Variants in VPS37A observed in about 807,000 individuals in gnomAD.
The protein encoded by VPS37A is vacuolar protein sorting-associated protein 37A.
In VPS37A, 30 loss-of-function variants were observed where a neutral mutation model predicts 49.8. The observed-to-expected ratio is 0.60, with a 90% CI of 0.45 to 0.82. VPS37A has a LOEUF of 0.82. VPS37A is among the 40% of genes least tolerant of loss of function. The pLI, the probability that VPS37A is intolerant of heterozygous loss-of-function variation, is 0.00. For missense variants in VPS37A, 593 were observed against 464.4 expected (o/e 1.28, Z -2.55); for synonymous variants, 195 against 160.6 (o/e 1.21, Z -1.62).
chr8:17,267,467 T>TTGTA (rs1554491551), intron 2 of VPS37A, among the ~76,000 whole-genome samples: 1 of 151,322 alleles, frequency 6.6e-6, no homozygotes, highest in African/African-American at 2.4e-5. Context: ...AAATTTCTGC[T>TTGTA]TGTGTGTGTG....
the VPS37A span, among the ~76,000 whole-genome samples, chr8:17,330,102 A>C: frequency 1.3e-5 from 2 of 152,216 alleles, no homozygotes; most frequent in East Asian, 1.9e-4. Context: ...GATGAACCAG[A>C]AAGTCCAGGA....
chr8:17,250,373 G>C lies in VPS37A; in HGVS notation c.125+3004G>C, dbSNP rs141572414. On this transcript the variant is annotated intron_variant, in intron 1 of 11. Transcript: ENST00000324849. ...CACTTAAAAGATTTTTGTGCGAACA[G>C]ACAGATTGGTTATTCTAAAGGTGTG... Among the ~76,000 whole-genome samples the C allele has an allele frequency of 2.4e-4, 36 of 152,066 alleles. No homozygotes were observed. In the East Asian group the frequency reaches 4.2e-3, roughly 18 times the overall value.
chr8:17,309,399 T>A, the VPS37A span: 9 of 1,063,520 alleles, frequency 8.5e-6, no homozygotes, highest in Admixed American at 2.0e-5. Flanking sequence ...CCAATAATGT[T>A]GAGGAATTCA....
intron 1 of VPS37A, among the ~76,000 whole-genome samples, chr8:17,259,702 G>T (rs918426520): frequency 2.6e-5 from 4 of 152,040 alleles, no homozygotes; most frequent in African/African-American, 7.2e-5. Flanking sequence ...ATTGCAATCT[G>T]TCTTTCTCTT....
intron 11 of VPS37A, among the ~76,000 whole-genome samples, chr8:17,289,579 A>T (rs186765827): frequency 6.6e-6 from 1 of 152,244 alleles, no homozygotes; most frequent in African/African-American, 2.4e-5. Context: ...TGGTACCAGT[A>T]CCGTGCTGTT....
the VPS37A span, among the ~76,000 whole-genome samples, chr8:17,314,500 C>T: frequency 6.6e-6 from 1 of 152,204 alleles, no homozygotes; most frequent in South Asian, 2.1e-4. Flanking sequence ...TCTTTGAAAG[C>T]ACTGTGCATA....
intron 9 of VPS37A, among the ~76,000 whole-genome samples, 195 bp downstream of exon 9, chr8:17,280,638 G>A (rs768565261): frequency 6.6e-6 from 1 of 151,884 alleles, no homozygotes; most frequent in Middle Eastern, 3.2e-3. Context: ...ATATAAGAGC[G>A]TATTTGTTTC....
intron 11 of VPS37A, among the ~76,000 whole-genome samples, chr8:17,287,184 T>C (rs2150416605): frequency 6.6e-6 from 1 of 152,296 alleles, no homozygotes; most frequent in Non-Finnish European, 1.5e-5. Context: ...TTTGCAAGAA[T>C]AGTTCCCACC....
the VPS37A span, among the ~76,000 whole-genome samples, chr8:17,318,566 T>C: frequency 5.4e-4 from 82 of 152,312 alleles, no homozygotes; most frequent in African/African-American, 1.5e-3. Flanking sequence ...TTCCTGTGGT[T>C]CCAGGAGGAA....
At chr8:17,310,103 C>T in the VPS37A span, among the ~76,000 whole-genome samples, 5 of 152,228 alleles carry the variant, frequency 3.3e-5, 1 homozygote, top group African/African-American at 7.2e-5. Context: ...TGAGCTCGAG[C>T]GATCCTCCCA....
chr8:17,289,503 T>C (rs1815937983), intron 11 of VPS37A, among the ~76,000 whole-genome samples: 2 of 152,152 alleles, frequency 1.3e-5, no homozygotes, highest in African/African-American at 4.8e-5. Context: ...AAAGATCAGA[T>C]GGTTGTAGAT....
chr8:17,311,780 C>A, the VPS37A span: 3 of 1,317,356 alleles, frequency 2.3e-6, no homozygotes, highest in South Asian at 2.7e-5. Context: ...TAGGGCCCCC[C>A]CTAATTAGGG....
chr8:17,285,102 A>G (rs760430997), intron 10 of VPS37A, among the ~76,000 whole-genome samples: 65 of 152,160 alleles, frequency 4.3e-4, no homozygotes, highest in South Asian at 1.0e-3. Flanking sequence ...TAGCATACTC[A>G]TGAGTGAAAA....
the VPS37A span, among the ~76,000 whole-genome samples, chr8:17,325,619 A>G: frequency 6.6e-6 from 1 of 152,152 alleles, no homozygotes; most frequent in Non-Finnish European, 1.5e-5. Context: ...CTCTGGGCTC[A>G]CTTCCCCTGC....
At chr8:17,317,348 G>C in the VPS37A span, among the ~76,000 whole-genome samples, 1 of 152,192 alleles carries the variant, frequency 6.6e-6, no homozygotes, top group Non-Finnish European at 1.5e-5. Flanking sequence ...TTCGATGTTT[G>C]TAGGCCCCGG....
the VPS37A span, among the ~76,000 whole-genome samples, chr8:17,319,430 C>G: frequency 1.3e-5 from 2 of 152,168 alleles, no homozygotes; most frequent in Admixed American, 6.5e-5. Flanking sequence ...CATGTCAACG[C>G]TGAAGCTCCG....
At chr8:17,276,554 A>G in intron 6 of VPS37A, 87 bp downstream of exon 6, 1 of 1,346,416 alleles carries the variant, frequency 7.4e-7, no homozygotes, top group Non-Finnish European at 1.0e-6. Context: ...TATAAATTAA[A>G]GTTTAAAATT....
In VPS37A at chr8:17,280,317, G is replaced by T. The variant is rs1814922151; in HGVS notation, c.900+20G>T. 6.2e-7 allele frequency: 1 copy of T among 1,607,492 alleles called. No homozygotes were observed. ...GATAAGGTGAGTTAGTGATAATTTT[G>T]AAGAAATTTACATAATTTAAAAATA... On this transcript the variant is annotated intron_variant, in intron 8 of 11. Transcript: ENST00000324849.
chr8:17,299,129 T>A (rs1280324134), downstream of VPS37A: 3 of 152,194 alleles, frequency 2.0e-5, no homozygotes, highest in Non-Finnish European at 4.4e-5. Context: ...AATTCATATG[T>A]AAGACCAGGA....
Sources: allele counts gnomAD v4.1 joint callset (sites outside exome capture counted in the v4.1 genomes callset), GRCh38; gene constraint gnomAD v4.1.1; transcripts MANE v1.5; gene names NCBI Gene and HGNC (gene_info 2026-07-23, HGNC 2026-07-21).